The following HTR3E variants were observed in gnomAD, a reference collection of about 807,000 sequenced individuals.
HTR3E encodes 5-hydroxytryptamine (serotonin) receptor 3, family member E.
HTR3E carries 38 observed loss-of-function variants against 38.0 expected under a neutral mutation model. The observed-to-expected ratio is 1.00, with a 90% CI of 0.77 to 1.31. The LOEUF (loss-of-function observed/expected upper bound fraction) is 1.31. Ranked by LOEUF, HTR3E falls within the 50% of genes most tolerant of loss-of-function variation. The probability of loss-of-function intolerance (pLI) is 0.00; values close to 1 mark genes in which losing one functional copy is unlikely to be tolerated. For synonymous variants in HTR3E, 210 were observed against 232.9 expected (o/e 0.90, Z 0.89); for missense variants, 547 against 585.2 (o/e 0.93, Z 0.67).
Position 184,100,506 on chromosome 3 carries a change from T to C in HTR3E, c.89T>C (p.Ile30Thr). ...LLQGRGVTFTINCSGFGQHGA... is the reference protein window; with the variant it reads ...LLQGRGVTFTTNCSGFGQHGA... ...ACAGGAAGGGGCGTTACTTTCACCA[T>C]CAATTGCTCAGGGTTTGGCCAGCAC... The change falls in exon 2 of 9, where the codon ATC becomes ACC. Residue 30 changes from isoleucine to threonine, a missense_variant. By Grantham distance (89) the Ile-to-Thr change is moderately conservative. Transcript: ENST00000415389. 1 of 1,614,136 alleles carries C rather than the reference T, an allele frequency of 6.2e-7. No homozygotes were observed. Among genetic ancestry groups the C allele is most frequent in the Non-Finnish European group, 8.5e-7 (1 of 1,180,030 alleles).
intron 1 of HTR3E, chr3:184,100,065 C>T (rs1711923759): frequency 2.6e-6 from 3 of 1,147,264 alleles, no homozygotes; most frequent in Non-Finnish European, 2.1e-6. Context: ...CCCATCCTCC[C>T]GGGCCTCGGA....
At chr3:184,099,631 G>C (rs1411254729) in intron 1 of HTR3E, among the ~76,000 whole-genome samples, 1 of 145,724 alleles carries the variant, frequency 6.9e-6, no homozygotes, top group Non-Finnish European at 1.5e-5. Context: ...GGAGAATGGC[G>C]TGAACCCGGG....
intron 3 of HTR3E, among the ~76,000 whole-genome samples, chr3:184,103,178 CA>C (rs1712167296): frequency 6.6e-6 from 1 of 151,850 alleles, no homozygotes; most frequent in Non-Finnish European, 1.5e-5. Flanking sequence ...ATTGAGTTTC[CA>C]ACTTGAAAAG....
intron 1 of HTR3E, 76 bp from the exon 2 acceptor site, chr3:184,100,409 C>T: frequency 6.2e-7 from 1 of 1,613,760 alleles, no homozygotes; most frequent in South Asian, 1.1e-5. Flanking sequence ...GACCCCACGC[C>T]CTGCCTTGGG....
At chr3:184,102,503 A>G in intron 3 of HTR3E, among the ~76,000 whole-genome samples, 2 of 126,764 alleles carry the variant, frequency 1.6e-5, no homozygotes, top group Non-Finnish European at 3.3e-5. Context: ...GGGGGGAGGG[A>G]TGGCATTAGG....
At position 184,106,929 on chromosome 3, in the gene HTR3E, C is replaced by T. The variant is rs368760993; in HGVS notation, c.*236C>T. On this transcript the variant is annotated 3_prime_UTR_variant, in exon 9 of 9. Transcript: ENST00000415389. The surrounding 1 kb of genome is among the most constrained non-coding windows in gnomAD (Gnocchi z 4.1). ...ACCATATGGTTCTAGGTCCCTCTTA[C>T]GTCATCTGCATAGCAGACTATACCT... is the stretch of plus-strand genomic sequence containing the variant. 55 of 557,344 alleles carry T rather than the reference C, an allele frequency of 9.9e-5. 2 individuals carry two copies. Among genetic ancestry groups the T allele is most frequent in the Admixed American group, 1.9e-4 (6 of 31,404 alleles). 34.5% of individuals were successfully genotyped at this position (557,344 alleles called of 1,614,324 possible).
intron 2 of HTR3E, 66 bp from the exon 3 acceptor site, chr3:184,101,419 G>C: frequency 7.6e-7 from 1 of 1,319,378 alleles, no homozygotes; most frequent in African/African-American, 1.4e-5. Context: ...ACAAGCATGG[G>C]AAGTGGGGGA....
Position 184,103,394 on chromosome 3 carries a change from C to A in HTR3E, c.280-788C>A, listed in dbSNP as rs534405359. Reference sequence around the variant, plus strand: ...CCTGTAATCCCAGCACTTTGGAAGGCCGAGGCGGGTGGATCATGAGGTCAG... The same window carrying A: ...CCTGTAATCCCAGCACTTTGGAAGGACGAGGCGGGTGGATCATGAGGTCAG... On this transcript the variant is annotated intron_variant, in intron 3 of 8. Coordinates refer to ENST00000415389, the MANE Select transcript of HTR3E (RefSeq NM_001256613.2). Among the ~76,000 whole-genome samples, 9 of 152,184 alleles carry A rather than the reference C, an allele frequency of 5.9e-5. No individual in the cohort carries two copies. The South Asian group carries it at 1.9e-3, about 32-fold the overall frequency.
Position 184,105,980 on chromosome 3 carries a change from T to G in HTR3E, c.925+11T>G. 6.2e-7 allele frequency: 1 copy of G among 1,613,632 alleles called. No individual in the cohort carries two copies. The highest frequency in any genetic ancestry group is 8.5e-7 in the Non-Finnish European group (1 of 1,179,860). On this transcript the variant is annotated intron_variant, in intron 7 of 8. Transcript: ENST00000415389. ...GCACCCCCCTCATCGGTATGGCTCC[T>G]CCCACCTTTTGGAAGAGAAGGGTGG...
intron 4 of HTR3E, 48 bp from the exon 5 acceptor site, chr3:184,104,734 AAAAAG>A: frequency 8.5e-6 from 12 of 1,419,436 alleles, no homozygotes; most frequent in South Asian, 1.5e-5. Flanking sequence ...AAAAAAAAAA[AAAAAG>A]AGAGAGAGAA....
Position 184,104,793 on chromosome 3 carries a change from T to A in HTR3E, c.396T>A (p.Asp132Glu). Residue 132 changes from aspartate (D) to glutamate (E), a missense_variant, in exon 5 of 9, where the codon GAT becomes GAA. By Grantham distance (45) the Asp-to-Glu change is conservative (BLOSUM62 2). Coordinates refer to ENST00000415389, the MANE Select transcript of HTR3E (RefSeq NM_001256613.2). Reference sequence around the variant, plus strand: ...TGCGTTATCTCTCCTCCAGCATGGATGTGGATAAGACCCCAAAAGGCCTCA... The same window carrying A: ...TGCGTTATCTCTCCTCCAGCATGGAAGTGGATAAGACCCCAAAAGGCCTCA... ...LPDIFIIELM[D>E]VDKTPKGLTA... The A allele has an allele frequency of 1.2e-6, 2 of 1,610,132 alleles. No homozygotes were observed. The highest frequency in any genetic ancestry group is 2.2e-5 in the South Asian group (2 of 90,668).
chr3:184,099,269 A>G (rs1304465854), intron 1 of HTR3E, among the ~76,000 whole-genome samples: 1 of 151,446 alleles, frequency 6.6e-6, no homozygotes, highest in East Asian at 2.0e-4. Context: ...TGTGGTGGGG[A>G]ACGCCTGTAG....
chr3:184,097,688 A>G (rs1694065453), intron 1 of HTR3E, 92 bp downstream of exon 1: 2 of 899,270 alleles, frequency 2.2e-6, no homozygotes, highest in Admixed American at 2.1e-5. Context: ...TCCAACTCCT[A>G]GAGATTGTCT....
Position 184,104,168 on chromosome 3 carries a change from C to T in HTR3E, c.280-14C>T. On this transcript the variant is annotated splice_polypyrimidine_tract_variant and intron_variant, in intron 3 of 8. Transcript: ENST00000415389. ...AAAGGCAGGAGACTCACCTCTCCTC[C>T]ACCTGGGCTCTAGGTTTGGGATAAC... 1 of 1,586,444 alleles carries T rather than the reference C, an allele frequency of 6.3e-7. No individual in the cohort carries two copies. The highest frequency in any genetic ancestry group is 8.6e-7 in the Non-Finnish European group (1 of 1,167,264).
At chr3:184,105,536 C>T in intron 6 of HTR3E, 109 bp downstream of exon 6, 1 of 1,259,646 alleles carries the variant, frequency 7.9e-7, no homozygotes, top group East Asian at 2.4e-5. Flanking sequence ...ATGTTACCCT[C>T]TCTCCTGGCT....
rs764356286 is a variant in HTR3E at position 184,106,912 on chromosome 3, G to C, written c.*219G>C. Reference sequence around the variant, plus strand: ...TGGCTTCCTTCAGTCCTACCATATGGTTCTAGGTCCCTCTTACGTCATCTG... The same window carrying C: ...TGGCTTCCTTCAGTCCTACCATATGCTTCTAGGTCCCTCTTACGTCATCTG... On this transcript the variant is annotated 3_prime_UTR_variant, in exon 9 of 9. Transcript: ENST00000415389. The surrounding 1 kb of genome is among the most constrained non-coding windows in gnomAD (Gnocchi z 4.1). The C allele has an allele frequency of 1.7e-5, 10 of 588,844 alleles. No homozygotes were observed. The highest frequency in any genetic ancestry group is 2.7e-5 in the Non-Finnish European group (9 of 333,322). 36.5% of individuals were successfully genotyped at this position (588,844 alleles called of 1,614,324 possible).
intron 3 of HTR3E, among the ~76,000 whole-genome samples, chr3:184,103,259 A>T (rs1191257420): frequency 6.6e-6 from 1 of 152,108 alleles, no homozygotes; most frequent in African/African-American, 2.4e-5. Flanking sequence ...AGGCAGGTGG[A>T]TCACTTGAGG....
chr3:184,099,734 A>AC (rs1267098364), intron 1 of HTR3E, among the ~76,000 whole-genome samples: 16 of 144,788 alleles, frequency 1.1e-4, no homozygotes, highest in South Asian at 4.3e-4. Flanking sequence ...AAAAAAAAAA[A>AC]AAAAAAGAAA....
At position 184,097,608 on chromosome 3, in the gene HTR3E, G is replaced by C; in HGVS notation, c.67+12G>C. Reference sequence around the variant, plus strand: ...TTTTCTGCTTCAAGGTAAGAAAGGAGCAATGATGGGGGAAGGCGGAAGAAG... The same window carrying C: ...TTTTCTGCTTCAAGGTAAGAAAGGACCAATGATGGGGGAAGGCGGAAGAAG... On this transcript the variant is annotated intron_variant, in intron 1 of 8. Coordinates refer to ENST00000415389, the MANE Select transcript of HTR3E (RefSeq NM_001256613.2). The C allele has an allele frequency of 9.1e-6, 14 of 1,531,538 alleles. No homozygotes were observed. Among genetic ancestry groups the C allele is most frequent in the Non-Finnish European group, 1.2e-5 (14 of 1,142,832 alleles). 94.9% of individuals were successfully genotyped at this position (1,531,538 alleles called of 1,614,324 possible).
Sources: allele counts gnomAD v4.1 joint callset (sites outside exome capture counted in the v4.1 genomes callset), GRCh38; gene constraint gnomAD v4.1.1; non-coding constraint Gnocchi (gnomAD v3.1); transcripts MANE v1.5; gene names NCBI Gene and HGNC (gene_info 2026-07-23, HGNC 2026-07-21).